PLCXD3: variants seen among roughly 807,000 people sequenced by gnomAD.
PLCXD3 encodes the protein phosphatidylinositol specific phospholipase C X domain containing 3, also known as PI-PLC X domain-containing protein 3.
In PLCXD3, 19 loss-of-function variants were observed where a neutral mutation model predicts 25.5. That is an observed-to-expected ratio of 0.75 (90% CI 0.52 to 1.09). The LOEUF (loss-of-function observed/expected upper bound fraction) is 1.09, where lower values mean the gene tolerates loss of function less well. Ranked by LOEUF, PLCXD3 falls within the 50% of genes least tolerant of loss-of-function variation. The pLI is 0.00. For missense variants in PLCXD3, 411 were observed against 388.1 expected, an observed-to-expected ratio of 1.06 and a Z score of -0.50; for synonymous variants, 174 against 137.6, an observed-to-expected ratio of 1.26 and a Z score of -1.85.
At chr5:41,405,275 A>C (rs1746317112) in intron 1 of PLCXD3, among the ~76,000 whole-genome samples, 1 of 152,112 alleles carries the variant, frequency 6.6e-6, no homozygotes, top group Non-Finnish European at 1.5e-5. Context: ...ATGGGAAGAG[A>C]TGGAATTCTG....
chr5:41,448,630 C>G (rs1407203549), intron 1 of PLCXD3, among the ~76,000 whole-genome samples: 2 of 152,186 alleles, frequency 1.3e-5, no homozygotes, highest in Non-Finnish European at 2.9e-5. Flanking sequence ...ATTCTCCTTT[C>G]TAACTTTCCT....
chr5:41,488,267 T>C (rs1237788915), intron 1 of PLCXD3, among the ~76,000 whole-genome samples: 2 of 144,534 alleles, frequency 1.4e-5, no homozygotes, highest in Non-Finnish European at 1.5e-5. Flanking sequence ...CTCATCATTT[T>C]TTATGGCTGC....
At chr5:41,456,637 T>A (rs1747759965) in intron 1 of PLCXD3, 3 of 559,072 alleles carry the variant, frequency 5.4e-6, no homozygotes, top group Non-Finnish European at 6.8e-6. Flanking sequence ...GTGAGGGTAT[T>A]TGGAGGTTGG....
At chr5:41,472,721 G>T (rs1327676992) in intron 1 of PLCXD3, among the ~76,000 whole-genome samples, 1 of 152,188 alleles carries the variant, frequency 6.6e-6, no homozygotes, top group Non-Finnish European at 1.5e-5. Flanking sequence ...ATGGTTTGAA[G>T]GTGATGGTAT....
intron 1 of PLCXD3, among the ~76,000 whole-genome samples, chr5:41,470,979 A>G (rs751783980): frequency 2.6e-5 from 4 of 152,212 alleles, no homozygotes; most frequent in Non-Finnish European, 5.9e-5. Context: ...AACTATTGCA[A>G]CTGGGGAAAA....
At chr5:41,336,715 G>T (rs1426825643) in intron 2 of PLCXD3, among the ~76,000 whole-genome samples, 1 of 152,128 alleles carries the variant, frequency 6.6e-6, no homozygotes, top group East Asian at 1.9e-4. Flanking sequence ...GGAATAACTT[G>T]CATGCAATGA....
intron 2 of PLCXD3, among the ~76,000 whole-genome samples, chr5:41,339,802 G>A (rs1744086622): frequency 6.6e-6 from 1 of 152,068 alleles, no homozygotes; most frequent in African/African-American, 2.4e-5. Context: ...AATCTATAAT[G>A]CTATAAAAAT....
At chr5:41,507,515 C>A (rs952848042) in intron 1 of PLCXD3, among the ~76,000 whole-genome samples, 2 of 152,220 alleles carry the variant, frequency 1.3e-5, no homozygotes, top group African/African-American at 4.8e-5. Flanking sequence ...CGAGATTACT[C>A]TGAAACCATT....
At chr5:41,435,650 C>T (rs188574822) in intron 1 of PLCXD3, among the ~76,000 whole-genome samples, 1 of 152,270 alleles carries the variant, frequency 6.6e-6, no homozygotes, top group African/African-American at 2.4e-5. Flanking sequence ...GTGGAGAAGC[C>T]ATGGTGGATT....
At chr5:41,396,332 T>G (rs1263836216) in intron 1 of PLCXD3, among the ~76,000 whole-genome samples, 2 of 152,088 alleles carry the variant, frequency 1.3e-5, no homozygotes, top group Non-Finnish European at 2.9e-5. Context: ...TCTCTCTCTC[T>G]CTCTTTCTCC....
intron 1 of PLCXD3, among the ~76,000 whole-genome samples, chr5:41,481,045 C>T (rs1748398849): frequency 6.9e-6 from 1 of 144,264 alleles, no homozygotes; most frequent in South Asian, 2.2e-4. Flanking sequence ...AAAATACCTA[C>T]CAAATTTATA....
At chr5:41,486,837 CT>C (rs1286091367) in intron 1 of PLCXD3, among the ~76,000 whole-genome samples, 1 of 152,110 alleles carries the variant, frequency 6.6e-6, no homozygotes, top group Admixed American at 6.5e-5. Context: ...AATTTTAGAG[CT>C]GAGAAAATAG....
intron 1 of PLCXD3, among the ~76,000 whole-genome samples, chr5:41,493,201 G>A (rs1174616741): frequency 1.3e-5 from 2 of 152,344 alleles, no homozygotes; most frequent in East Asian, 3.9e-4. Context: ...GTCCACTCCA[G>A]ACCCTGTTTG....
chr5:41,422,108 G>T (rs1746842671), intron 1 of PLCXD3, among the ~76,000 whole-genome samples: 1 of 151,926 alleles, frequency 6.6e-6, no homozygotes, highest in South Asian at 2.1e-4. Context: ...AGTCTTTATA[G>T]ACAATAGAAA....
At chr5:41,510,126 G>C (rs1486287326) in intron 1 of PLCXD3, among the ~76,000 whole-genome samples, 1 of 151,972 alleles carries the variant, frequency 6.6e-6, no homozygotes, top group East Asian at 1.9e-4. Context: ...AGGGGGTCAC[G>C]AGGCACCATC....
chr5:41,313,397 G>GA lies in PLCXD3; in HGVS notation c.*219dup. On this transcript the variant is annotated 3_prime_UTR_variant, in exon 3 of 3. Coordinates refer to ENST00000377801, the MANE Select transcript of PLCXD3 (RefSeq NM_001005473.3). ...TCTTTTTTTTTTATTCCTAACACTA[G>GA]AAGTAGATTTTGCTCATCAAATGGG... The GA allele has an allele frequency of 2.1e-6, 1 of 475,712 alleles. No homozygotes were observed. The highest frequency in any genetic ancestry group is 3.7e-6 in the Non-Finnish European group (1 of 273,370). The allele number at this position is 475,712 out of a possible 1,614,324, so 29.5% of individuals were successfully genotyped here.
intron 1 of PLCXD3, among the ~76,000 whole-genome samples, chr5:41,421,533 C>T (rs762158736): frequency 1.6e-4 from 25 of 151,962 alleles, no homozygotes; most frequent in Non-Finnish European, 2.9e-4. Context: ...AACCCCGTCT[C>T]TACTAAAAAT....
chr5:41,350,700 T>A (rs1004309193), intron 2 of PLCXD3, among the ~76,000 whole-genome samples: 1 of 152,200 alleles, frequency 6.6e-6, no homozygotes, highest in African/African-American at 2.4e-5. Flanking sequence ...AGTGTCCACC[T>A]AGAAAATAGA....
In PLCXD3 at chr5:41,510,543, C is replaced by G. The variant is rs1422316117; in HGVS notation, c.-17G>C. On this transcript the variant is annotated 5_prime_UTR_variant, in exon 1 of 3. Transcript: ENST00000377801. ...CGAGGCCATCGTGCCAGTCGGCGTG[C>G]AGCGCGCTGGTCCCAGCACTCCTCG... 1 of 1,606,984 alleles carries G rather than the reference C, an allele frequency of 6.2e-7. No individual in the cohort carries two copies. The highest frequency in any genetic ancestry group is 2.2e-5 in the East Asian group (1 of 44,630).
Sources: allele counts gnomAD v4.1 joint callset (sites outside exome capture counted in the v4.1 genomes callset), GRCh38; gene constraint gnomAD v4.1.1; transcripts MANE v1.5; gene names NCBI Gene and HGNC (gene_info 2026-07-23, HGNC 2026-07-21).